Variants in GATA4 observed in about 807,000 individuals in gnomAD.
GATA4 encodes GATA binding protein 4.
In GATA4, 7 loss-of-function variants were observed where a neutral mutation model predicts 37.9. The ratio of observed to expected loss-of-function variants is 0.18; its 90% confidence interval spans 0.11 to 0.35. The LOEUF (loss-of-function observed/expected upper bound fraction) is 0.35. Ranked by LOEUF, GATA4 falls within the 10% of genes least tolerant of loss-of-function variation. The probability of loss-of-function intolerance (pLI) is 1.00; values close to 1 mark genes in which losing one functional copy is unlikely to be tolerated. For synonymous variants in GATA4, 372 were observed against 292.6 expected (o/e 1.27, Z -2.77); for missense variants, 647 against 653.0 (o/e 0.99, Z 0.10).
chr8:11,692,822 G>T (rs1175894632), intron 1 of GATA4: 3 of 982,098 alleles, frequency 3.1e-6, no homozygotes, highest in Non-Finnish European at 3.6e-6. Flanking sequence ...GCGCCAGGCC[G>T]GGCAGAGGCG....
intron 1 of GATA4, among the ~76,000 whole-genome samples, chr8:11,695,584 C>T (rs949039420): frequency 2.0e-5 from 3 of 152,194 alleles, no homozygotes; most frequent in Non-Finnish European, 2.9e-5. Flanking sequence ...TTGGCTTACC[C>T]TTGCCTCAGG....
intron 1 of GATA4, chr8:11,705,985 T>A (rs1799872791): frequency 6.6e-6 from 1 of 152,202 alleles, no homozygotes; most frequent in Non-Finnish European, 1.5e-5. Flanking sequence ...TGCAATGAAA[T>A]AGGTCAGCTA....
At chr8:11,740,940 G>C (rs1801707685) in intron 2 of GATA4, among the ~76,000 whole-genome samples, 1 of 151,994 alleles carries the variant, frequency 6.6e-6, no homozygotes, top group Non-Finnish European at 1.5e-5. Flanking sequence ...CACCATGTTG[G>C]CCAGGCTGGC....
At chr8:11,699,772 A>G (rs1259155452), upstream of GATA4, among the ~76,000 whole-genome samples, 1 of 152,220 alleles carries the variant, frequency 6.6e-6, no homozygotes, top group Non-Finnish European at 1.5e-5. Flanking sequence ...ACTCAGCAAA[A>G]ATGTTCAGAG....
At chr8:11,727,862 G>A (rs903279553) in intron 2 of GATA4, among the ~76,000 whole-genome samples, 37 of 151,762 alleles carry the variant, frequency 2.4e-4, no homozygotes, top group African/African-American at 8.0e-4. Context: ...GCTTTACCCC[G>A]TATAATGTCA....
intron 2 of GATA4, among the ~76,000 whole-genome samples, chr8:11,715,864 C>T (rs1420910134): frequency 6.6e-6 from 1 of 152,184 alleles, no homozygotes; most frequent in Non-Finnish European, 1.5e-5. Flanking sequence ...TAAAATACCA[C>T]TCCCATTCCT....
At chr8:11,716,021 T>TGTG (rs1198138847) in intron 2 of GATA4, among the ~76,000 whole-genome samples, 21 of 152,194 alleles carry the variant, frequency 1.4e-4, no homozygotes, top group Admixed American at 1.1e-3. Context: ...TCATGATTCA[T>TGTG]CCATGTTGTA....
rs143919337 is a variant in GATA4, at chr8:11,718,180, C to T, written c.616+9252C>T. Among the ~76,000 whole-genome samples the T allele has an allele frequency of 1.1e-3, 170 of 152,284 alleles. 2 individuals carry two copies. Among genetic ancestry groups the T allele is most frequent in the African/African-American group, 3.9e-3 (161 of 41,558 alleles). On this transcript the variant is annotated intron_variant, in intron 2 of 6. Transcript: ENST00000532059. ...TCAAGACAATGACTAAAACCCCAGG[C>T]AGGAAAAGCCCCGTGGAATTGGTCT...
Position 11,742,387 on chromosome 8 carries a change from T to TTG in GATA4, c.617-6528_617-6527insGT, listed in dbSNP as rs975106197. On this transcript the variant is annotated intron_variant, in intron 2 of 6. Transcript: ENST00000532059. ...CCGTTCTTGTTTTTGGTGTTTTGTT[T>TTG]TTTTTTTTTCCTTTCCCTTTCCCTT... Among the ~76,000 whole-genome samples, 16 of 128,232 alleles carry TTG rather than the reference T, an allele frequency of 1.2e-4. 1 individual carries two copies. The highest frequency in any genetic ancestry group is 4.1e-4 in the African/African-American group (16 of 39,090). 84.1% of individuals were successfully genotyped at this position (128,232 alleles called of 152,430 possible). A position where few individuals can be genotyped will look rare whatever the true frequency, so the allele number is the denominator to read the frequency against.
At position 11,755,108 on chromosome 8, in the gene GATA4, C is replaced by G; in HGVS notation, c.975C>G (p.Asn325Lys). 6.2e-7 allele frequency: 1 copy of G among 1,614,080 alleles called. No individual in the cohort carries two copies. The highest frequency in any genetic ancestry group is 8.5e-7 in the Non-Finnish European group (1 of 1,179,936). The change falls in exon 5 of 7, where the codon AAC becomes AAG. Residue 325 changes from asparagine to lysine, a missense_variant. Coordinates refer to ENST00000532059, the MANE Select transcript of GATA4 (RefSeq NM_001308093.3). ...GIQTRKRKPK[N>K]LNKSKTPAAP... Reference sequence around the variant, plus strand: ...AAACCAGAAAACGGAAGCCCAAGAACCTGAATAAATCTAAGACACCAGCAG... The same window carrying G: ...AAACCAGAAAACGGAAGCCCAAGAAGCTGAATAAATCTAAGACACCAGCAG...
chr8:11,699,307 A>T (rs1439923085), upstream of GATA4, among the ~76,000 whole-genome samples: 1 of 152,256 alleles, frequency 6.6e-6, no homozygotes, highest in African/African-American at 2.4e-5. Flanking sequence ...GGCTCAGCAC[A>T]AACAACACTG....
chr8:11,689,941 G>A (rs1264860575), upstream of GATA4, among the ~76,000 whole-genome samples: 1 of 152,246 alleles, frequency 6.6e-6, no homozygotes, highest in Non-Finnish European at 1.5e-5. Flanking sequence ...CAGGGTGCCA[G>A]GGAACCTTGT....
chr8:11,701,718 G>C (rs562937672), upstream of GATA4, among the ~76,000 whole-genome samples: 1 of 152,180 alleles, frequency 6.6e-6, no homozygotes, highest in African/African-American at 2.4e-5. Flanking sequence ...TGGACCTAGA[G>C]GAAAAAGCCA....
chr8:11,705,339 T>C (rs1177211627), intron 1 of GATA4, among the ~76,000 whole-genome samples: 2 of 152,106 alleles, frequency 1.3e-5, no homozygotes, highest in African/African-American at 2.4e-5. Context: ...GCGGCCGGCT[T>C]GGTTGTGCCG....
intron 1 of GATA4, among the ~76,000 whole-genome samples, chr8:11,678,205 T>G (rs1798844047): frequency 6.6e-6 from 1 of 152,062 alleles, no homozygotes; most frequent in Non-Finnish European, 1.5e-5. Context: ...CACCATTTGT[T>G]CACTCTGTAG....
chr8:11,681,441 G>A, intron 1 of GATA4: 1 of 981,334 alleles, frequency 1.0e-6, no homozygotes, highest in Non-Finnish European at 1.2e-6. Flanking sequence ...TACGATCCCC[G>A]CGCAGACGCC....
chr8:11,700,010 G>A (rs1157906211), upstream of GATA4, among the ~76,000 whole-genome samples: 1 of 152,188 alleles, frequency 6.6e-6, no homozygotes, highest in Non-Finnish European at 1.5e-5. Context: ...TAGACCTGCA[G>A]TTTCGCCCTT....
chr8:11,710,381 G>T (rs1026710341), intron 2 of GATA4, among the ~76,000 whole-genome samples: 3 of 152,128 alleles, frequency 2.0e-5, no homozygotes, highest in Non-Finnish European at 4.4e-5. Flanking sequence ...GGAGTGCGGG[G>T]CGGGGCGCGG....
In GATA4 at chr8:11,709,154, T is replaced by C. The variant is rs1800048331; in HGVS notation, c.616+226T>C. 6.6e-6 allele frequency among the ~76,000 whole-genome samples: 1 copy of C among 152,144 alleles called. No individual in the cohort carries two copies. The highest frequency in any genetic ancestry group is 2.4e-5 in the African/African-American group (1 of 41,446). The stretch of plus-strand genomic sequence containing the variant: ...GGCCGGGCCTGCCCGCCGGGGCCTC[T>C]TCTGAGATGGTGTCAGGGTCGGAGT... On this transcript the variant is annotated intron_variant, in intron 2 of 6. Coordinates refer to ENST00000532059, the MANE Select transcript of GATA4 (RefSeq NM_001308093.3). The surrounding 1 kb of genome is among the most constrained non-coding windows in gnomAD (Gnocchi z 4.3).
Sources: gnomAD v4.1 joint callset for allele counts (sites outside exome capture counted in the v4.1 genomes callset) on GRCh38, gnomAD v4.1.1 for gene constraint, Gnocchi (gnomAD v3.1) non-coding constraint, MANE v1.5 for transcripts, NCBI Gene and HGNC (gene_info 2026-07-23, HGNC 2026-07-21) for gene names.